Variants in ASL observed in about 807,000 individuals in gnomAD.
ASL encodes the protein argininosuccinase.
In ASL, 51 loss-of-function variants were observed where a neutral mutation model predicts 69.1. The ratio of observed to expected loss-of-function variants is 0.74; its 90% CI spans 0.59 to 0.93. The LOEUF is 0.93. Ranked by LOEUF, ASL falls within the 40% of genes least tolerant of loss-of-function variation. The pLI, the probability that ASL is intolerant of heterozygous loss-of-function variation, is 0.00. For missense variants in ASL, 540 were observed against 623.9 expected, an observed-to-expected ratio of 0.87 and a Z score of 1.43; for synonymous variants, 241 against 247.6, an observed-to-expected ratio of 0.97 and a Z score of 0.25.
rs1786698498 is a variant in ASL at position 66,087,370 on chromosome 7, A to G, written c.639A>G (p.Arg213=). The G allele has an allele frequency of 2.5e-6, 4 of 1,606,666 alleles. No individual in the cohort carries two copies. The highest frequency in any genetic ancestry group is 1.1e-5 in the South Asian group (1 of 91,058). The part of the protein sequence containing the change: ...AIAGNPLGVD[R]ELLRAELNFG... The stretch of plus-strand genomic sequence containing the variant: ...CAGGCAATCCCCTGGGTGTGGACCG[A>G]GAGCTGCTCCGAGCAGGTGAGACGT... The change falls in exon 9 of 17, where the codon CGA becomes CGG. Residue 213 remains arginine (R), a synonymous_variant. Transcript: ENST00000304874.
chr7:66,087,484 C>T, intron 9 of ASL, 98 bp downstream of exon 9: 4 of 1,414,566 alleles, frequency 2.8e-6, no homozygotes, highest in Non-Finnish European at 3.9e-6. Context: ...GCCTGTGGCT[C>T]CTGGTGAAAC....
intron 10 of ASL, among the ~76,000 whole-genome samples, chr7:66,088,297 A>G (rs1786728867): frequency 6.6e-6 from 1 of 152,088 alleles, no homozygotes; most frequent in Non-Finnish European, 1.5e-5. Context: ...CCTGGCCAAC[A>G]TGGTGAAACC....
intron 2 of ASL, among the ~76,000 whole-genome samples, chr7:66,077,262 C>G (rs1269489225): frequency 6.6e-6 from 1 of 152,042 alleles, no homozygotes; most frequent in Non-Finnish European, 1.5e-5. Flanking sequence ...GACCCTGTCT[C>G]TACAAAAAGA....
intron 6 of ASL, among the ~76,000 whole-genome samples, chr7:66,084,165 T>C (rs1421006806): frequency 2.2e-5 from 3 of 138,552 alleles, no homozygotes; most frequent in Non-Finnish European, 4.6e-5. Flanking sequence ...TTTGTTGTTG[T>C]TTTTTTTTTT....
At chr7:66,082,342 C>A in intron 3 of ASL, 26 bp from the exon 4 acceptor site, 3 of 1,598,878 alleles carry the variant, frequency 1.9e-6, no homozygotes, top group Non-Finnish European at 2.6e-6. Flanking sequence ...CTCACCTGAC[C>A]CCGGCATTGC....
At position 66,086,751 on chromosome 7, in the gene ASL, G is replaced by A. The variant is rs28941473; in HGVS notation, c.532G>A (p.Val178Met). The change falls in exon 8 of 17, where the codon GTG becomes ATG. Residue 178 changes from valine to methionine, a missense_variant. Coordinates refer to ENST00000304874, the MANE Select transcript of ASL (RefSeq NM_000048.4). ...RWSHWILSHA[V>M]ALTRDSERLL... ...GCCCCTGGCTTCCCACAGCCACGCCGTGGCACTGACCCGAGACTCTGAGCG... is the reference window on the plus strand; with the variant it reads ...GCCCCTGGCTTCCCACAGCCACGCCATGGCACTGACCCGAGACTCTGAGCG... 646 of 1,605,626 alleles carry A rather than the reference G, an allele frequency of 4.0e-4. No homozygotes were observed. Among genetic ancestry groups the A allele is most frequent in the Non-Finnish European group, 4.8e-4 (567 of 1,176,708 alleles).
At position 66,093,148 on chromosome 7, in the gene ASL, T is replaced by C; in HGVS notation, c.*236T>C. The C allele has an allele frequency of 1.6e-6, 1 of 618,654 alleles. No individual in the cohort carries two copies. The highest frequency in any genetic ancestry group is 2.8e-6 in the Non-Finnish European group (1 of 355,122). 38.3% of individuals were successfully genotyped at this position (618,654 alleles called of 1,614,324 possible). A position where few individuals can be genotyped will look rare whatever the true frequency, so the allele number is the denominator to read the frequency against. On this transcript the variant is annotated 3_prime_UTR_variant, in exon 17 of 17. Transcript: ENST00000304874. Reference sequence around the variant, plus strand: ...TGGGCAACACAGGGAGACCCCCATCTCTACTCAATAATAAAACAAATAGCC... The same window carrying C: ...TGGGCAACACAGGGAGACCCCCATCCCTACTCAATAATAAAACAAATAGCC...
chr7:66,088,766 G>T (rs1786744741), intron 10 of ASL, 41 bp from the exon 11 acceptor site: 1 of 1,551,358 alleles, frequency 6.4e-7, no homozygotes. Flanking sequence ...AGGCTGGGTG[G>T]GGATGGGAGA....
intron 14 of ASL, 42 bp from the exon 15 acceptor site, chr7:66,091,964 C>T: frequency 1.2e-6 from 2 of 1,609,594 alleles, no homozygotes; most frequent in Non-Finnish European, 1.7e-6. Flanking sequence ...CTTCAGATCC[C>T]AGGGTCCCCA....
intron 14 of ASL, 68 bp from the exon 15 acceptor site, chr7:66,091,938 G>A (rs931386371): frequency 1.3e-6 from 2 of 1,555,444 alleles, no homozygotes; most frequent in Non-Finnish European, 1.8e-6. Context: ...AGAGGGGCAG[G>A]TCCTGGGCCT....
chr7:66,083,028 A>C, intron 5 of ASL, 49 bp from the exon 6 acceptor site: 1 of 1,612,140 alleles, frequency 6.2e-7, no homozygotes, highest in Non-Finnish European at 8.5e-7. Flanking sequence ...CTGGCTCCTC[A>C]GGGAAGCAAC....
chr7:66,089,389 A>G, intron 13 of ASL, 54 bp downstream of exon 13: 1 of 1,560,780 alleles, frequency 6.4e-7, no homozygotes. Context: ...GGGCTCTGGC[A>G]CACTCAGGCA....
At chr7:66,084,972 G>A (rs1786618052) in intron 6 of ASL, among the ~76,000 whole-genome samples, 1 of 151,766 alleles carries the variant, frequency 6.6e-6, no homozygotes, top group Non-Finnish European at 1.5e-5. Context: ...GGCTCAGGCT[G>A]GTCTCAAACT....
At position 66,088,883 on chromosome 7, in the gene ASL, C is replaced by G. The variant is rs757101256; in HGVS notation, c.795C>G (p.Thr265=). 1.2e-6 allele frequency: 2 copies of G among 1,614,056 alleles called. No homozygotes were observed. Among genetic ancestry groups the G allele is most frequent in the Non-Finnish European group, 1.7e-6 (2 of 1,180,004 alleles). Residue 265 remains threonine, a synonymous_variant, in exon 11 of 17, where the codon ACC becomes ACG. Transcript: ENST00000304874. ...RMAEDLILYC[T]KEFSFVQLSD... is the part of the protein sequence containing the mutation. Reference sequence around the variant, plus strand: ...CCGAGGACCTCATCCTCTACTGCACCAAGGAATTCAGCTTCGTGCAGCTCT... The same window carrying G: ...CCGAGGACCTCATCCTCTACTGCACGAAGGAATTCAGCTTCGTGCAGCTCT...
rs150244667 is a variant in ASL, at chr7:66,082,444, G to A, written c.284G>A (p.Arg95His). The A allele has an allele frequency of 1.1e-5, 17 of 1,609,438 alleles. No individual in the cohort carries two copies. Among genetic ancestry groups the A allele is most frequent in the African/African-American group, 9.4e-5 (7 of 74,860 alleles). Reference sequence around the variant, plus strand: ...GACATCCACACAGCCAATGAGCGCCGCCTGAAGGTACGACCCCTGGAGCCC... The same window carrying A: ...GACATCCACACAGCCAATGAGCGCCACCTGAAGGTACGACCCCTGGAGCCC... ...DEDIHTANER[R>H]LKELIGATAG... Residue 95 changes from arginine to histidine, a missense_variant, in exon 4 of 17, where the codon CGC (arginine) becomes CAC (histidine). Arg to His is a conservative substitution (Grantham distance 29, BLOSUM62 0). Coordinates refer to ENST00000304874, the MANE Select transcript of ASL (RefSeq NM_000048.4).
rs1257473083 is a variant in ASL, at chr7:66,093,242, G to A, written c.*330G>A. Reference sequence around the variant, plus strand: ...TGAGGTGAGAGGACACTTGTGCCCAGGAGTGGAGGCTGCAGTGAGCTATGA... The same window carrying A: ...TGAGGTGAGAGGACACTTGTGCCCAAGAGTGGAGGCTGCAGTGAGCTATGA... On this transcript the variant is annotated 3_prime_UTR_variant, in exon 17 of 17. Coordinates refer to ENST00000304874, the MANE Select transcript of ASL (RefSeq NM_000048.4). The A allele has an allele frequency of 2.3e-6, 1 of 429,748 alleles. No individual in the cohort carries two copies. Among genetic ancestry groups the A allele is most frequent in the Non-Finnish European group, 4.4e-6 (1 of 228,140 alleles). The allele number at this position is 429,748 out of a possible 1,614,324, so 26.6% of individuals were successfully genotyped here. A position where few individuals can be genotyped will look rare whatever the true frequency, so the allele number is the denominator to read the frequency against.
At chr7:66,086,279 C>T (rs912706207) in intron 6 of ASL, among the ~76,000 whole-genome samples, 3 of 152,152 alleles carry the variant, frequency 2.0e-5, no homozygotes, top group Admixed American at 2.0e-4. Flanking sequence ...CATGGGCCTC[C>T]TCCCCTATTC....
rs758359291 is a variant in ASL at position 66,086,590 on chromosome 7, G to A, written c.452G>A (p.Arg151His). The change falls in exon 7 of 17, where the codon CGT becomes CAT. Residue 151 changes from arginine (R) to histidine (H), a missense_variant. By Grantham distance (29) the Arg-to-His change is conservative. Coordinates refer to ENST00000304874, the MANE Select transcript of ASL (RefSeq NM_000048.4). ...RTMVDRAEAE[R>H]DVLFPGYTHL... ...CTGCTCCTCCTCTCCCACAGGGAAC[G>A]TGATGTTCTCTTCCCGGGGTACACC... 62 of 1,613,576 alleles carry A rather than the reference G, an allele frequency of 3.8e-5. No individual in the cohort carries two copies. The Middle Eastern group carries it at 4.9e-4, about 13-fold the overall frequency.
intron 8 of ASL, 25 bp downstream of exon 8, chr7:66,086,846 G>A (rs1186724498): frequency 2.6e-6 from 4 of 1,555,298 alleles, no homozygotes; most frequent in Non-Finnish European, 3.5e-6. Context: ...AGTGCCCCGA[G>A]GGCCTGGTGG....
Sources: allele counts gnomAD v4.1 joint callset (sites outside exome capture counted in the v4.1 genomes callset), GRCh38; gene constraint gnomAD v4.1.1; transcripts MANE v1.5; gene names NCBI Gene and HGNC (gene_info 2026-07-23, HGNC 2026-07-21).